Variants in WDR13 observed in about 807,000 individuals in gnomAD.
WDR13 encodes the protein WD repeat-containing protein 13.
WDR13 carries 1 observed loss-of-function variant against 28.6 expected under a neutral mutation model. The ratio of observed to expected loss-of-function variants is 0.03; its 90% CI spans 0.01 to 0.17. The LOEUF is 0.17. Ranked by LOEUF, WDR13 falls within the 10% of genes least tolerant of loss-of-function variation. WDR13 has a pLI of 1.00. For synonymous variants in WDR13, 201 were observed against 185.9 expected (o/e 1.08, Z -0.66); for missense variants, 264 against 469.3 (o/e 0.56, Z 4.04).
chrX:48,601,412 G>T (rs782453169), intron 6 of WDR13, among the ~76,000 whole-genome samples: 2 of 112,218 alleles, frequency 1.8e-5, no homozygotes, highest in African/African-American at 6.5e-5. Flanking sequence ...CTTGTGGGCC[G>T]GGATCCTCCC....
chrX:48,602,184 C>G lies in WDR13; in HGVS notation c.1132C>G (p.Leu378Val). The G allele has an allele frequency of 8.3e-7, 1 of 1,210,674 alleles. No individual in the cohort carries two copies. The highest frequency in any genetic ancestry group is 1.1e-6 in the Non-Finnish European group (1 of 894,311). The stretch of plus-strand genomic sequence containing the variant: ...TCCCTCACTGCTCATCAATGCTTGC[C>G]TCAACAAGTTGCTGCTCTACAGGTG... ...RDPSLLINAC[L>V]NKLLLYRVVD... Residue 378 changes from leucine (L) to valine (V), a missense_variant, in exon 8 of 10, where the codon CTC becomes GTC. This residue lies in a region of WDR13 where 157 missense variants were observed against 270.2 expected (regional missense o/e 0.58). Transcript: ENST00000376729.
intron 8 of WDR13, 125 bp from the exon 9 acceptor site, chrX:48,604,144 CAAA>C (rs1246368388): frequency 4.4e-6 from 2 of 456,689 alleles, no homozygotes; most frequent in Non-Finnish European, 6.8e-6. Context: ...GTCTCAAAAA[CAAA>C]AAAAAAAATA....
chrX:48,599,221 TG>T, intron 3 of WDR13, 131 bp from the exon 4 acceptor site: 1 of 615,360 alleles, frequency 1.6e-6, no homozygotes, highest in Non-Finnish European at 2.5e-6. Flanking sequence ...GTAGTACAAG[TG>T]GGCAGCGGTG....
At position 48,598,886 on chromosome X, in the gene WDR13, G is replaced by A; in HGVS notation, c.211G>A (p.Glu71Lys). 1 of 1,209,922 alleles carries A rather than the reference G, an allele frequency of 8.3e-7. No homozygotes were observed. The highest frequency in any genetic ancestry group is 1.1e-6 in the Non-Finnish European group (1 of 894,980). Reference protein sequence around the residue: ...LLGQRYGPLSEPGSARAYSNS... With the variant: ...LLGQRYGPLSKPGSARAYSNS... ...GGGCCAGCGCTACGGGCCCCTCTCCGAGCCAGGCAGTGCTCGTGCCTATAG... is the reference window on the plus strand; with the variant it reads ...GGGCCAGCGCTACGGGCCCCTCTCCAAGCCAGGCAGTGCTCGTGCCTATAG... Residue 71 changes from glutamate (E) to lysine (K), a missense_variant, in exon 3 of 10, where the codon GAG becomes AAG. Glu to Lys is a moderately conservative substitution (Grantham distance 56). Transcript: ENST00000376729.
chrX:48,600,695 A>T (rs782356452), intron 6 of WDR13, 69 bp downstream of exon 6: 1 of 1,136,313 alleles, frequency 8.8e-7, no homozygotes, highest in Non-Finnish European at 1.2e-6. Context: ...TGAGGGAATC[A>T]GAGTATAAGG....
At chrX:48,601,267 C>T (rs1001209785) in intron 6 of WDR13, among the ~76,000 whole-genome samples, 6 of 112,759 alleles carry the variant, frequency 5.3e-5, no homozygotes, top group African/African-American at 1.3e-4. Context: ...GGCTGAGCCT[C>T]GTCTGGTCTG....
At position 48,605,017 on chromosome X, in the gene WDR13, G is replaced by A; in HGVS notation, c.1443G>A (p.Arg481=). The change falls in exon 10 of 10, where the codon AGG becomes AGA. Residue 481 remains arginine, a synonymous_variant. Coordinates refer to ENST00000376729, the MANE Select transcript of WDR13 (RefSeq NM_001347217.2). The stretch of plus-strand genomic sequence containing the variant: ...CCAGCGGCATGGTCATCGTCTGGAG[G>A]CGGGAGCAGAAGTAGGGTCCTGTCG... The part of the protein sequence containing the change: ...SDASGMVIVW[R]REQK 8.3e-7 allele frequency: 1 copy of A among 1,207,337 alleles called. No homozygotes were observed. The highest frequency in any genetic ancestry group is 1.1e-6 in the Non-Finnish European group (1 of 892,019).
intron 4 of WDR13, 59 bp from the exon 5 acceptor site, chrX:48,599,528 G>T (rs2062168922): frequency 2.5e-6 from 3 of 1,207,510 alleles, no homozygotes; most frequent in Non-Finnish European, 3.4e-6. Flanking sequence ...TGGGGCAATG[G>T]CAGACTGAAC....
intron 6 of WDR13, 51 bp from the exon 7 acceptor site, chrX:48,601,733 A>C (rs1556994615): frequency 8.9e-7 from 1 of 1,117,887 alleles, no homozygotes; most frequent in Admixed American, 3.0e-5. Flanking sequence ...GGTCAGACTC[A>C]AGGAGGGCCT....
rs2062163157 is a variant in WDR13 at position 48,598,924 on chromosome X, C to G, written c.249C>G (p.Val83=). The G allele has an allele frequency of 8.3e-7, 1 of 1,207,605 alleles. No homozygotes were observed. The highest frequency in any genetic ancestry group is 1.1e-6 in the Non-Finnish European group (1 of 893,680). ...CTCGTGCCTATAGCAACAGCATCGT[C>G]CGCAGTAGCCGCACTACTCTTGACC... ...GSARAYSNSI[V]RSSRTTLDRM... The change falls in exon 3 of 10, where the codon GTC becomes GTG. Residue 83 remains valine (V), a synonymous_variant. Coordinates refer to ENST00000376729, the MANE Select transcript of WDR13 (RefSeq NM_001347217.2).
At position 48,599,579 on chromosome X, in the gene WDR13, G is replaced by A; in HGVS notation, c.393-8G>A. The A allele has an allele frequency of 1.6e-6, 2 of 1,212,505 alleles. No individual in the cohort carries two copies. The highest frequency in any genetic ancestry group is 2.2e-6 in the Non-Finnish European group (2 of 895,616). ...TCCTGTCACCCCTCACTTCCTATTG[G>A]GGCCCAGGCCCCCTGGCAGCGTGGT... On this transcript the variant is annotated splice_polypyrimidine_tract_variant and splice_region_variant and intron_variant, in intron 4 of 9. Coordinates refer to ENST00000376729, the MANE Select transcript of WDR13 (RefSeq NM_001347217.2).
At chrX:48,604,045 G>A (rs1235876986) in intron 8 of WDR13, 5 of 365,422 alleles carry the variant, frequency 1.4e-5, no homozygotes, top group African/African-American at 7.8e-5. Context: ...AGACTGAGGC[G>A]GGAGGATCAC....
At position 48,598,149 on chromosome X, in the gene WDR13, G is replaced by T. The variant is rs371899552; in HGVS notation, c.41+112G>T. On this transcript the variant is annotated intron_variant, in intron 2 of 9. Coordinates refer to ENST00000376729, the MANE Select transcript of WDR13 (RefSeq NM_001347217.2). ...CCTTATGCGGCTGCGTGGGCATGCCGGAGGTGAGCATGCGCAGTAGCGGGG... is the reference window on the plus strand; with the variant it reads ...CCTTATGCGGCTGCGTGGGCATGCCTGAGGTGAGCATGCGCAGTAGCGGGG... The T allele has an allele frequency of 6.1e-5, 70 of 1,141,588 alleles. No individual in the cohort carries two copies. In the South Asian group the frequency reaches 1.4e-3, roughly 23 times the overall value. 94.1% of individuals were successfully genotyped at this position (1,141,588 alleles called of 1,213,427 possible).
intron 1 of WDR13, 92 bp downstream of exon 1, chrX:48,597,706 A>G: frequency 3.1e-6 from 1 of 318,242 alleles, no homozygotes; most frequent in Non-Finnish European, 5.4e-6. Context: ...CAAGCAAGGA[A>G]TGCTAGGCGG....
chrX:48,602,199 C>T lies in WDR13; in HGVS notation c.1147C>T (p.Leu383Phe), dbSNP rs1556994863. 3.3e-6 allele frequency: 4 copies of T among 1,208,880 alleles called. No individual in the cohort carries two copies. Among genetic ancestry groups the T allele is most frequent in the South Asian group, 1.8e-5 (1 of 56,887 alleles). ...CAATGCTTGCCTCAACAAGTTGCTG[C>T]TCTACAGGTGGGTCCCCCATCAGGG... ...LINACLNKLLLYRVVDNEGTL... is the reference protein window; with the variant it reads ...LINACLNKLLFYRVVDNEGTL... The change falls in exon 8 of 10, where the codon CTC (leucine) becomes TTC (phenylalanine). Residue 383 changes from leucine to phenylalanine, a missense_variant. By Grantham distance (22) the Leu-to-Phe change is conservative (BLOSUM62 0). Transcript: ENST00000376729.
At chrX:48,602,532 C>G (rs1602148358) in intron 8 of WDR13, among the ~76,000 whole-genome samples, 1 of 83,878 alleles carries the variant, frequency 1.2e-5, no homozygotes, top group Admixed American at 1.4e-4. Flanking sequence ...TCCTTCCTTC[C>G]TTTTTTTTTT....
chrX:48,600,255 C>T, intron 5 of WDR13, 64 bp from the exon 6 acceptor site: 3 of 1,137,195 alleles, frequency 2.6e-6, no homozygotes, highest in East Asian at 6.0e-5. Flanking sequence ...ACGTCAGAGC[C>T]TTTTAGAGAG....
chrX:48,598,660 G>A lies in WDR13; in HGVS notation c.42-57G>A, dbSNP rs192489183. On this transcript the variant is annotated intron_variant, in intron 2 of 9. Coordinates refer to ENST00000376729, the MANE Select transcript of WDR13 (RefSeq NM_001347217.2). ...TCTCCTGCCGTACCCCCCCCCCCGA[G>A]CTGATTGATTCCCTCTGTCCTGTGC... The A allele has an allele frequency of 7.0e-6, 7 of 996,742 alleles. No individual in the cohort carries two copies. The African/African-American group carries it at 1.3e-4, about 18-fold the overall frequency. The allele number at this position is 996,742 out of a possible 1,213,427, so 82.1% of individuals were successfully genotyped here. A position where few individuals can be genotyped will look rare whatever the true frequency, so the allele number is the denominator to read the frequency against.
Position 48,601,820 on chromosome X carries a change from A to G in WDR13, c.868A>G (p.Ile290Val), listed in dbSNP as rs782627365. 1 of 1,192,860 alleles carries G rather than the reference A, an allele frequency of 8.4e-7. No homozygotes were observed. The highest frequency in any genetic ancestry group is 1.1e-6 in the Non-Finnish European group (1 of 885,079). Residue 290 changes from isoleucine to valine, a missense_variant, in exon 7 of 10, where the codon ATC (isoleucine) becomes GTC (valine). Ile to Val is a conservative substitution (Grantham distance 29). This residue lies in a region of WDR13 where 157 missense variants were observed against 270.2 expected (regional missense o/e 0.58). Transcript: ENST00000376729. Reference sequence around the variant, plus strand: ...CAAGCACAACGTGCATGTCATGAACATCTCCACAGGCAAGAAAGTGAAGGG... The same window carrying G: ...CAAGCACAACGTGCATGTCATGAACGTCTCCACAGGCAAGAAAGTGAAGGG... ...NAKHNVHVMN[I>V]STGKKVKGGS...
Sources: allele counts gnomAD v4.1 joint callset (sites outside exome capture counted in the v4.1 genomes callset), GRCh38; gene constraint gnomAD v4.1.1; regional missense constraint gnomAD v4.1.1; transcripts MANE v1.5; gene names NCBI Gene and HGNC (gene_info 2026-07-23, HGNC 2026-07-21).